COL9A1: variants seen among roughly 807,000 people sequenced by gnomAD.
The protein encoded by COL9A1 is collagen alpha-1(IX) chain.
A neutral mutation model predicts 142.6 loss-of-function variants in COL9A1; 104 were observed. The ratio of observed to expected loss-of-function variants is 0.73; its 90% CI spans 0.62 to 0.86. The LOEUF is 0.86. COL9A1 is among the 40% of genes least tolerant of loss of function. The probability of loss-of-function intolerance (pLI) is 0.00; values close to 1 mark genes in which losing one functional copy is unlikely to be tolerated. For missense variants in COL9A1, 1,210 were observed against 1,176.6 expected (o/e 1.03, Z -0.42); for synonymous variants, 466 against 396.0 (o/e 1.18, Z -2.10).
At chr6:70,225,768 A>C (rs1266404840) in intron 37 of COL9A1, among the ~76,000 whole-genome samples, 164 bp downstream of exon 37, 2 of 152,192 alleles carry the variant, frequency 1.3e-5, no homozygotes, top group East Asian at 1.9e-4. Flanking sequence ...CAGATCATTT[A>C]ATTCTTTACT....
chr6:70,260,308 G>A (rs564574538), intron 20 of COL9A1, among the ~76,000 whole-genome samples: 3 of 152,120 alleles, frequency 2.0e-5, no homozygotes, highest in South Asian at 2.1e-4. Flanking sequence ...TTGGGAGGCC[G>A]AGCCAGGTGG....
Position 70,254,561 on chromosome 6 carries a change from C to T in COL9A1, c.1666-32G>A, listed in dbSNP as rs72923190. On this transcript the variant is annotated intron_variant, in intron 24 of 37. Coordinates refer to ENST00000357250, the MANE Select transcript of COL9A1 (RefSeq NM_001851.6). ...AAAAAGCTTTTATCACATGATTGAA[C>T]CTGTATGAGCTGCTGTATTTCTTTT... is the stretch of plus-strand genomic sequence containing the variant. 0.01 allele frequency: 16,398 copies of T among 1,603,478 alleles called. 109 individuals carry two copies. Among genetic ancestry groups the T allele is most frequent in the Non-Finnish European group, 0.012 (13,473 of 1,170,318 alleles).
At chr6:70,280,966 G>A (rs1773119564) in intron 9 of COL9A1, 38 bp downstream of exon 9, 1 of 1,613,480 alleles carries the variant, frequency 6.2e-7, no homozygotes, top group Non-Finnish European at 8.5e-7. Flanking sequence ...CACGTCTAAA[G>A]GAAGGAAGTG....
intron 6 of COL9A1, among the ~76,000 whole-genome samples, chr6:70,283,476 G>A (rs1773303550): frequency 6.6e-6 from 1 of 152,198 alleles, no homozygotes; most frequent in African/African-American, 2.4e-5. Context: ...AGGGAGGAGG[G>A]TCCATAAGCT....
chr6:70,278,822 C>G (rs1206831587), intron 10 of COL9A1, among the ~76,000 whole-genome samples: 2 of 152,172 alleles, frequency 1.3e-5, no homozygotes, highest in African/African-American at 4.8e-5. Flanking sequence ...ATTTGTTTAT[C>G]CAAAGTTTCT....
At chr6:70,242,795 C>G in intron 28 of COL9A1, 80 bp from the exon 29 acceptor site, 1 of 1,398,588 alleles carries the variant, frequency 7.2e-7, no homozygotes, top group South Asian at 1.2e-5. Flanking sequence ...AAATAACATC[C>G]TACCTAGGTT....
chr6:70,241,453 C>T lies in COL9A1; in HGVS notation c.2000G>A (p.Gly667Asp). The T allele has an allele frequency of 2.5e-6, 4 of 1,609,154 alleles. No homozygotes were observed. The highest frequency in any genetic ancestry group is 3.4e-6 in the Non-Finnish European group (4 of 1,175,480). The change falls in exon 31 of 38, where the codon GGT (glycine) becomes GAT (aspartate). Residue 667 changes from glycine to aspartate, a missense_variant and splice_region_variant. Physicochemically the swap from Gly to Asp is moderately conservative, Grantham distance 94. Transcript: ENST00000357250. ...PGLPGMKGDRGVVGEPGPKGE... is the reference protein window; with the variant it reads ...PGLPGMKGDRDVVGEPGPKGE... The stretch of plus-strand genomic sequence containing the variant: ...CTTTGGACCCGGTTCACCGACTACA[C>T]CCTGTAATAAATAAAATATAATACT...
At position 70,281,378 on chromosome 6, in the gene COL9A1, A is replaced by ATAGAAAC. The variant is rs1311690317; in HGVS notation, c.876+5_876+11dup. On this transcript the variant is annotated intron_variant, in intron 8 of 37. Coordinates refer to ENST00000357250, the MANE Select transcript of COL9A1 (RefSeq NM_001851.6). ...ACTGGGGAACAGAGGTGGCCTGGAG[A>ATAGAAAC]TAGAAACTTACGTCGATGCCATCGA... The ATAGAAAC allele has an allele frequency of 6.2e-7, 1 of 1,612,526 alleles. No homozygotes were observed. The highest frequency in any genetic ancestry group is 1.7e-5 in the Admixed American group (1 of 59,956).
chr6:70,284,190 A>G (rs1046282939), intron 5 of COL9A1, among the ~76,000 whole-genome samples: 5 of 152,186 alleles, frequency 3.3e-5, no homozygotes, highest in African/African-American at 1.2e-4. Flanking sequence ...TCACAAACCA[A>G]TAAGTGTCAG....
At chr6:70,277,409 C>T (rs1772841144) in intron 10 of COL9A1, among the ~76,000 whole-genome samples, 1 of 151,476 alleles carries the variant, frequency 6.6e-6, no homozygotes, top group Admixed American at 6.6e-5. Flanking sequence ...AGACCACACA[C>T]ATAATACATA....
At chr6:70,269,107 C>A (rs910447426) in intron 16 of COL9A1, among the ~76,000 whole-genome samples, 10 of 152,134 alleles carry the variant, frequency 6.6e-5, no homozygotes, top group African/African-American at 2.4e-4. Context: ...AATGTACCAT[C>A]CAGATTTAAT....
At chr6:70,240,198 C>A (rs1770158319) in intron 32 of COL9A1, among the ~76,000 whole-genome samples, 1 of 152,138 alleles carries the variant, frequency 6.6e-6, no homozygotes, top group Admixed American at 6.5e-5. Context: ...AGGCAACAGC[C>A]TCCTCTGGAG....
intron 5 of COL9A1, among the ~76,000 whole-genome samples, chr6:70,289,761 G>T (rs1562329126): frequency 6.6e-6 from 1 of 152,226 alleles, no homozygotes; most frequent in East Asian, 1.9e-4. Flanking sequence ...ATAATAGATA[G>T]TATGCATTTC....
At chr6:70,249,524 A>G (rs1195135144) in intron 28 of COL9A1, among the ~76,000 whole-genome samples, 2 of 152,100 alleles carry the variant, frequency 1.3e-5, no homozygotes, top group Non-Finnish European at 2.9e-5. Flanking sequence ...AGCCAGGGTG[A>G]TAGTAGTGGG....
intron 20 of COL9A1, chr6:70,258,457 A>C (rs1344515011): frequency 6.6e-6 from 1 of 152,236 alleles, no homozygotes; most frequent in Admixed American, 6.5e-5. Context: ...AGAATCAAAG[A>C]AGGAACTCAA....
chr6:70,296,611 T>C (rs1399883568), intron 4 of COL9A1, among the ~76,000 whole-genome samples: 1 of 152,118 alleles, frequency 6.6e-6, no homozygotes, highest in Admixed American at 6.5e-5. Flanking sequence ...GAAGCTAAGA[T>C]TCACTATTCA....
Position 70,225,969 on chromosome 6 carries a change from T to C in COL9A1, c.2544A>G (p.Arg848=), listed in dbSNP as rs1431987848. ...TAGCTCCAGGCAAACCGTTGGGACCTCTTCCTGGAGGGCCACGCTCCCCCT... is the reference window on the plus strand; with the variant it reads ...TAGCTCCAGGCAAACCGTTGGGACCCCTTCCTGGAGGGCCACGCTCCCCCT... ...GEKGERGPPG[R]GPNGLPGAIG... is the part of the protein sequence containing the mutation. Residue 848 remains arginine, a synonymous_variant, in exon 37 of 38, where the codon AGA becomes AGG. Transcript: ENST00000357250. The C allele has an allele frequency of 3.1e-6, 5 of 1,614,046 alleles. No homozygotes were observed. The highest frequency in any genetic ancestry group is 4.2e-6 in the Non-Finnish European group (5 of 1,179,966).
At chr6:70,278,716 G>T (rs1772923846) in intron 10 of COL9A1, among the ~76,000 whole-genome samples, 1 of 152,118 alleles carries the variant, frequency 6.6e-6, no homozygotes, top group Non-Finnish European at 1.5e-5. Context: ...TTGAAATCTG[G>T]TTTATGCTGC....
chr6:70,252,079 C>T (rs1325946717), intron 28 of COL9A1, 41 bp downstream of exon 28: 2 of 1,601,124 alleles, frequency 1.2e-6, no homozygotes, highest in Admixed American at 1.7e-5. Flanking sequence ...CAGCAAAGTC[C>T]TGAGAAGGTG....
Sources: gnomAD v4.1 joint callset for allele counts (sites outside exome capture counted in the v4.1 genomes callset) on GRCh38, gnomAD v4.1.1 for gene constraint, MANE v1.5 for transcripts, NCBI Gene and HGNC (gene_info 2026-07-23, HGNC 2026-07-21) for gene names.